The following SLC2A1 variants were observed in gnomAD, a reference collection of about 807,000 sequenced individuals.
SLC2A1 encodes the protein solute carrier family 2, facilitated glucose transporter member 1.
SLC2A1 carries 4 observed loss-of-function variants against 46.6 expected under a neutral mutation model. The ratio of observed to expected loss-of-function variants is 0.09; its 90% CI spans 0.04 to 0.20. The LOEUF (loss-of-function observed/expected upper bound fraction) is 0.20, where lower values mean the gene tolerates loss of function less well. Among genes scored for constraint, SLC2A1 ranks in the 10% least tolerant of loss-of-function variants. The pLI, the probability that SLC2A1 is intolerant of heterozygous loss-of-function variation, is 1.00. For synonymous variants in SLC2A1, 253 were observed against 270.0 expected (o/e 0.94, Z 0.62); for missense variants, 352 against 667.0 (o/e 0.53, Z 5.20).
chr1:42,951,971 C>T (rs367856651), intron 1 of SLC2A1: 57 of 405,484 alleles, frequency 1.4e-4, no homozygotes, highest in Middle Eastern at 1.2e-3. Flanking sequence ...CATCCTTAGA[C>T]GCAGAGTACC....
In SLC2A1 at chr1:42,940,741, C is replaced by T. The variant is rs75652053; in HGVS notation, c.114+2485G>A. Among the ~76,000 whole-genome samples the T allele has an allele frequency of 6.5e-3, 996 of 152,256 alleles. 17 individuals carry two copies. Among genetic ancestry groups the T allele is most frequent in the African/African-American group, 0.023 (953 of 41,532 alleles). On this transcript the variant is annotated intron_variant, in intron 2 of 9. Coordinates refer to ENST00000426263, the MANE Select transcript of SLC2A1 (RefSeq NM_006516.4). ...GGGATTACAGCGTGAGCCACATGCC[C>T]GGCCTTAATCTTCATTTCTCTTTTT...
In SLC2A1 at chr1:42,930,089, G is replaced by A. The variant is rs74068371; in HGVS notation, c.517-54C>T. On this transcript the variant is annotated intron_variant, in intron 4 of 9. Transcript: ENST00000426263. This position sits in a 1 kb window ranked among gnomAD's most constrained non-coding sequence, Gnocchi z 6.2. ...CTGCCCTGACCCCCTTTCCCACCCC[G>A]TCCTGCCAGAGTGGCCTTCCCTACT... is the stretch of plus-strand genomic sequence containing the variant. The A allele has an allele frequency of 9.4e-6, 15 of 1,601,902 alleles. No individual in the cohort carries two copies. The highest frequency in any genetic ancestry group is 7.8e-5 in the South Asian group (7 of 90,300).
intron 1 of SLC2A1, among the ~76,000 whole-genome samples, chr1:42,957,103 G>A (rs1266393493): frequency 6.6e-6 from 1 of 152,216 alleles, no homozygotes; most frequent in Non-Finnish European, 1.5e-5. Flanking sequence ...TTCCCTAGAG[G>A]AAGTGACAAA....
intron 2 of SLC2A1, among the ~76,000 whole-genome samples, chr1:42,934,004 A>G (rs1643517768): frequency 6.6e-6 from 1 of 152,184 alleles, no homozygotes; most frequent in African/African-American, 2.4e-5. Flanking sequence ...AACTCTCCAC[A>G]CCTCTTTTGA....
At chr1:42,931,827 CAAAAAAAAA>C (rs35734592) in intron 2 of SLC2A1, among the ~76,000 whole-genome samples, 1 of 106,302 alleles carries the variant, frequency 9.4e-6, no homozygotes, top group East Asian at 3.0e-4. Context: ...CTCTATGTCT[CAAAAAAAAA>C]AAAAAAAAAA....
chr1:42,949,847 T>TG (rs3216017), intron 1 of SLC2A1, among the ~76,000 whole-genome samples: 13,270 of 152,156 alleles, frequency 0.087, 753 homozygotes, highest in Admixed American at 0.17. Flanking sequence ...AGTTTCCAAT[T>TG]GGGGGTCTCT....
chr1:42,937,290 A>G (rs928294451), intron 2 of SLC2A1, among the ~76,000 whole-genome samples: 2 of 152,230 alleles, frequency 1.3e-5, no homozygotes, highest in Admixed American at 6.5e-5. Flanking sequence ...CAGAGTTGAC[A>G]CTAAATGACC....
Position 42,927,491 on chromosome 1 carries a change from C to T in SLC2A1, c.1278+114G>A. The T allele has an allele frequency of 9.0e-7, 1 of 1,113,140 alleles. No individual in the cohort carries two copies. Among genetic ancestry groups the T allele is most frequent in the Non-Finnish European group, 1.3e-6 (1 of 747,472 alleles). The allele number at this position is 1,113,140 out of a possible 1,614,324, so 69.0% of individuals were successfully genotyped here. On this transcript the variant is annotated intron_variant, in intron 9 of 9. Coordinates refer to ENST00000426263, the MANE Select transcript of SLC2A1 (RefSeq NM_006516.4). This position sits in a 1 kb window ranked among gnomAD's most constrained non-coding sequence, Gnocchi z 5.3. ...TTCTTGGTCATGTGACCTGGGCTTC[C>T]TACCCTCAGTTTCCTCCTCAGCATG...
intron 2 of SLC2A1, among the ~76,000 whole-genome samples, chr1:42,932,702 G>A (rs560482525): frequency 7.8e-4 from 118 of 152,236 alleles, no homozygotes; most frequent in South Asian, 6.8e-3. Flanking sequence ...AGAAGGTGTG[G>A]GCAGGCACAC....
At chr1:42,956,813 G>C (rs1019431172) in intron 1 of SLC2A1, among the ~76,000 whole-genome samples, 2 of 152,228 alleles carry the variant, frequency 1.3e-5, no homozygotes, top group African/African-American at 4.8e-5. Flanking sequence ...TTGTGGTGAA[G>C]AGAGACAGTG....
At chr1:42,955,373 C>CT (rs751727333) in intron 1 of SLC2A1, among the ~76,000 whole-genome samples, 1 of 152,164 alleles carries the variant, frequency 6.6e-6, no homozygotes, top group African/African-American at 2.4e-5. Flanking sequence ...CTTTGGGAGG[C>CT]TGAAGTGGGC....
intron 1 of SLC2A1, among the ~76,000 whole-genome samples, chr1:42,951,175 A>C (rs1013383360): frequency 6.6e-6 from 1 of 152,240 alleles, no homozygotes; most frequent in East Asian, 1.9e-4. Flanking sequence ...GGGGCAGAAA[A>C]TAAATACATG....
intron 1 of SLC2A1, among the ~76,000 whole-genome samples, chr1:42,945,738 CAAA>C (rs1166067644): frequency 6.9e-5 from 8 of 115,446 alleles, no homozygotes; most frequent in African/African-American, 8.5e-5. Flanking sequence ...GACTCTGTCT[CAAA>C]AAAAAAAAAA....
chr1:42,939,247 A>G (rs1420031210), intron 2 of SLC2A1, among the ~76,000 whole-genome samples: 1 of 152,214 alleles, frequency 6.6e-6, no homozygotes, highest in Non-Finnish European at 1.5e-5. Flanking sequence ...CTCTCTTCAC[A>G]TGTTACATGT....
At position 42,927,590 on chromosome 1, in the gene SLC2A1, AGTGGGG is replaced by A; in HGVS notation, c.1278+9_1278+14del. ...CATGCGTGCGGGTGAGTATAGAGAC[AGTGGGG>A]GTTCTCACCTCCACATACTGGAAGC... is the stretch of plus-strand genomic sequence containing the variant. On this transcript the variant is annotated intron_variant, in intron 9 of 9. Coordinates refer to ENST00000426263, the MANE Select transcript of SLC2A1 (RefSeq NM_006516.4). This position sits in a 1 kb window ranked among gnomAD's most constrained non-coding sequence, Gnocchi z 5.3. 1 of 1,355,412 alleles carries A rather than the reference AGTGGGG, an allele frequency of 7.4e-7. No homozygotes were observed. Among genetic ancestry groups the A allele is most frequent in the Non-Finnish European group, 1.0e-6 (1 of 982,394 alleles). The allele number at this position is 1,355,412 out of a possible 1,614,324, so 84.0% of individuals were successfully genotyped here.
Position 42,927,713 on chromosome 1 carries a change from G to A in SLC2A1, c.1170C>T (p.Ile390=), listed in dbSNP as rs2236574. Residue 390 remains isoleucine (I), a synonymous_variant, in exon 9 of 10, where the codon ATC becomes ATT. Transcript: ENST00000426263. The surrounding 1 kb of genome is among the most constrained non-coding windows in gnomAD (Gnocchi z 5.3). ...EVGPGPIPWF[I]VAELFSQGPR... ...GACCCTGGCTGAAGAGTTCAGCCAC[G>A]ATGAACCATGGGATGGGGCCAGGAC... 1.4e-3 allele frequency: 2,214 copies of A among 1,614,148 alleles called. 43 individuals are homozygous for A. The East Asian group carries it at 0.041, about 30-fold the overall frequency.
At chr1:42,939,576 T>A (rs1643575665) in intron 2 of SLC2A1, among the ~76,000 whole-genome samples, 1 of 152,170 alleles carries the variant, frequency 6.6e-6, no homozygotes, top group Non-Finnish European at 1.5e-5. Context: ...AGTTATAACC[T>A]CTTGCCTATT....
chr1:42,927,869 A>G lies in SLC2A1; in HGVS notation c.1075-61T>C. The stretch of plus-strand genomic sequence containing the variant: ...TGGGTTGTGATGGATCCTCAGGGGA[A>G]ACAGAAGCTACAGAGGCCAGAGCAG... On this transcript the variant is annotated intron_variant, in intron 8 of 9. Transcript: ENST00000426263. The surrounding 1 kb of genome is among the most constrained non-coding windows in gnomAD (Gnocchi z 5.3). The G allele has an allele frequency of 7.6e-7, 1 of 1,310,346 alleles. No homozygotes were observed. Among genetic ancestry groups the G allele is most frequent in the South Asian group, 1.2e-5 (1 of 80,032 alleles). The allele number at this position is 1,310,346 out of a possible 1,614,324, so 81.2% of individuals were successfully genotyped here.
intron 2 of SLC2A1, among the ~76,000 whole-genome samples, chr1:42,941,045 C>T (rs1472684758): frequency 6.6e-6 from 1 of 152,208 alleles, no homozygotes; most frequent in African/African-American, 2.4e-5. Context: ...GAATTGATGA[C>T]CAAATCCTGT....
Sources: gnomAD v4.1 joint callset for allele counts (sites outside exome capture counted in the v4.1 genomes callset) on GRCh38, gnomAD v4.1.1 for gene constraint, Gnocchi (gnomAD v3.1) non-coding constraint, MANE v1.5 for transcripts, NCBI Gene and HGNC (gene_info 2026-07-23, HGNC 2026-07-21) for gene names.